The following TPD52 variants were observed in gnomAD, a reference collection of about 807,000 sequenced individuals.
The protein encoded by TPD52 is tumor protein D52.
TPD52 carries 17 observed loss-of-function variants against 31.3 expected under a neutral mutation model. That is an observed-to-expected ratio of 0.54 (90% confidence interval 0.37 to 0.82). The LOEUF (loss-of-function observed/expected upper bound fraction) is 0.82, where lower values mean the gene tolerates loss of function less well. Among genes scored for constraint, TPD52 ranks in the 40% least tolerant of loss-of-function variants. The probability of loss-of-function intolerance (pLI) is 0.00; values close to 1 mark genes in which losing one functional copy is unlikely to be tolerated. For synonymous variants in TPD52, 83 were observed against 89.6 expected, an observed-to-expected ratio of 0.93 and a Z score of 0.42; for missense variants, 212 against 240.1, an observed-to-expected ratio of 0.88 and a Z score of 0.77.
rs1245708157 is a variant in TPD52, at chr8:80,037,049, A to C, written c.*1067T>G. The C allele has an allele frequency of 6.6e-6, 1 of 152,622 alleles. No homozygotes were observed. The highest frequency in any genetic ancestry group is 1.5e-5 in the Non-Finnish European group (1 of 68,012). 9.5% of individuals were successfully genotyped at this position (152,622 alleles called of 1,614,324 possible). On this transcript the variant is annotated 3_prime_UTR_variant, in exon 8 of 8. Coordinates refer to ENST00000518937, the MANE Select transcript of TPD52 (RefSeq NM_001025253.3). ...TCTACAGTATCATTTTACAGTTTCC[A>C]ACACATTGAAAACAAGTAGAAAATG...
At chr8:80,093,047 G>GT (rs1478394279) in intron 1 of TPD52, among the ~76,000 whole-genome samples, 1 of 152,092 alleles carries the variant, frequency 6.6e-6, no homozygotes, top group African/African-American at 2.4e-5. Flanking sequence ...AAAAGATTTT[G>GT]TTTTTTGTTT....
At chr8:80,061,807 A>G (rs997144666) in intron 2 of TPD52, among the ~76,000 whole-genome samples, 4 of 152,214 alleles carry the variant, frequency 2.6e-5, no homozygotes, top group Admixed American at 2.6e-4. Flanking sequence ...AGAAAATTTA[A>G]AAAAAATCCA....
At chr8:80,099,788 GGCGTAAGCCAGCGC>G (rs1235795656) in intron 1 of TPD52, among the ~76,000 whole-genome samples, 1 of 152,224 alleles carries the variant, frequency 6.6e-6, no homozygotes, top group Non-Finnish European at 1.5e-5. Context: ...TGGGATTACA[GGCGTAAGCCAGCGC>G]GCCCAGCTGG....
chr8:80,081,155 T>C (rs1218196789), intron 1 of TPD52, among the ~76,000 whole-genome samples: 1 of 130,412 alleles, frequency 7.7e-6, no homozygotes, highest in Non-Finnish European at 1.5e-5. Flanking sequence ...CTTTTCTCTC[T>C]CTTTTTTTTT....
intron 1 of TPD52, among the ~76,000 whole-genome samples, chr8:80,119,334 T>C (rs1808085806): frequency 6.6e-6 from 1 of 152,178 alleles, no homozygotes; most frequent in Non-Finnish European, 1.5e-5. Context: ...TGTTCTAAAA[T>C]TGTGGTAAAT....
Position 80,037,830 on chromosome 8 carries a change from C to T in TPD52, c.*286G>A. On this transcript the variant is annotated 3_prime_UTR_variant, in exon 8 of 8. Transcript: ENST00000518937. ...AAAGCAGGAAAACAACTATGACAAT[C>T]TGTAGCTTCTTAGATCATTATAGTG... 3.9e-6 allele frequency: 1 copy of T among 255,570 alleles called. No homozygotes were observed. The highest frequency in any genetic ancestry group is 2.2e-5 in the African/African-American group (1 of 45,362). 15.8% of individuals were successfully genotyped at this position (255,570 alleles called of 1,614,324 possible).
At chr8:80,090,228 CA>C (rs993445545) in intron 1 of TPD52, among the ~76,000 whole-genome samples, 1 of 151,344 alleles carries the variant, frequency 6.6e-6, no homozygotes, top group African/African-American at 2.4e-5. Context: ...CCTGGCTCTA[CA>C]AAAAAAATAA....
chr8:80,062,282 T>G (rs1332958108), intron 2 of TPD52, among the ~76,000 whole-genome samples: 2 of 152,202 alleles, frequency 1.3e-5, no homozygotes, highest in Non-Finnish European at 2.9e-5. Flanking sequence ...TAACTGATTT[T>G]TTTTCTTTTT....
chr8:80,036,673 G>A lies in TPD52; in HGVS notation c.*1443C>T, dbSNP rs1386638641. On this transcript the variant is annotated 3_prime_UTR_variant, in exon 8 of 8. Transcript: ENST00000518937. ...ATCCAAAGTACTAACAAAAACTCTA[G>A]CAATCAAGAATGGCAGCATGTTATT... 6.6e-6 allele frequency: 1 copy of A among 152,512 alleles called. No individual in the cohort carries two copies. The highest frequency in any genetic ancestry group is 1.5e-5 in the Non-Finnish European group (1 of 68,002). The allele number at this position is 152,512 out of a possible 1,614,324, so 9.4% of individuals were successfully genotyped here.
At chr8:80,067,529 T>C (rs188440667) in intron 1 of TPD52, among the ~76,000 whole-genome samples, 5 of 152,256 alleles carry the variant, frequency 3.3e-5, no homozygotes, top group South Asian at 2.1e-4. Context: ...TAAATACTTA[T>C]GTGCAACACT....
At chr8:80,080,566 C>A in intron 1 of TPD52, 1 of 1,455,846 alleles carries the variant, frequency 6.9e-7, no homozygotes, top group Non-Finnish European at 9.0e-7. Context: ...AGAAATCAAC[C>A]CCAGGAGTTA....
chr8:80,161,732 A>ATATT (rs1277398110), intron 1 of TPD52, among the ~76,000 whole-genome samples: 727 of 72,460 alleles, frequency 0.01, 5 homozygotes, highest in African/African-American at 0.017. Context: ...ATATATATAT[A>ATATT]TTTTTTTTTT....
intron 1 of TPD52, among the ~76,000 whole-genome samples, chr8:80,169,172 A>T (rs1811911574): frequency 1.3e-5 from 2 of 152,108 alleles, no homozygotes; most frequent in Non-Finnish European, 2.9e-5. Context: ...TTTAGTAGAG[A>T]CAGGGTTCCA....
chr8:80,033,745 G>A (rs1487093745), downstream of TPD52, among the ~76,000 whole-genome samples: 3 of 152,192 alleles, frequency 2.0e-5, no homozygotes, highest in African/African-American at 7.2e-5. Flanking sequence ...GCACTCAGGA[G>A]ACCCAAAGTG....
rs1809695926 is a variant in TPD52, at chr8:80,139,783, T to G, written c.19+31642A>C. ...AGTGTATTATCAAAATCAAATAAAATACAACGGCGTTTTTCAATCCTCCTA... is the reference window on the plus strand; with the variant it reads ...AGTGTATTATCAAAATCAAATAAAAGACAACGGCGTTTTTCAATCCTCCTA... On this transcript the variant is annotated intron_variant, in intron 1 of 7. Transcript: ENST00000518937. Among the ~76,000 whole-genome samples the G allele has an allele frequency of 2.0e-5, 3 of 152,086 alleles. No individual in the cohort carries two copies. In the South Asian group the frequency reaches 6.2e-4, roughly 32 times the overall value.
intron 1 of TPD52, among the ~76,000 whole-genome samples, chr8:80,166,535 A>G (rs575616912): frequency 6.6e-6 from 1 of 151,604 alleles, no homozygotes; most frequent in Non-Finnish European, 1.5e-5. Context: ...TGCGGCCATT[A>G]AAGTGTATTT....
intron 1 of TPD52, among the ~76,000 whole-genome samples, chr8:80,094,443 TA>T: frequency 2.5e-5 from 1 of 40,348 alleles, no homozygotes; most frequent in Non-Finnish European, 4.4e-5. Context: ...TATATATATA[TA>T]TATATATATA....
intron 4 of TPD52, 130 bp from the exon 5 acceptor site, chr8:80,050,601 A>T: frequency 1.3e-6 from 1 of 799,104 alleles, no homozygotes; most frequent in Non-Finnish European, 1.9e-6. Flanking sequence ...CAGTCAGCAT[A>T]GAGAAAATGA....
intron 1 of TPD52, among the ~76,000 whole-genome samples, chr8:80,163,456 A>G (rs565995959): frequency 3.8e-4 from 58 of 152,190 alleles, no homozygotes; most frequent in South Asian, 1.0e-3. Context: ...TACCAGGGGT[A>G]GGGGATGGAG....
Sources: gnomAD v4.1 joint callset for allele counts (sites outside exome capture counted in the v4.1 genomes callset) on GRCh38, gnomAD v4.1.1 for gene constraint, MANE v1.5 for transcripts, NCBI Gene and HGNC (gene_info 2026-07-23, HGNC 2026-07-21) for gene names.